Variants in LRRC8C observed in about 807,000 individuals in gnomAD.
LRRC8C encodes the protein leucine rich repeat containing 8 VRAC subunit C, also known as volume-regulated anion channel subunit LRRC8C.
LRRC8C carries 20 observed loss-of-function variants against 55.3 expected under a neutral mutation model. The observed-to-expected ratio is 0.36, with a 90% CI of 0.25 to 0.53. The LOEUF (loss-of-function observed/expected upper bound fraction) is 0.53. LRRC8C is among the 20% of genes least tolerant of loss of function. LRRC8C has a pLI of 0.92. For missense variants in LRRC8C, 659 were observed against 951.4 expected, an observed-to-expected ratio of 0.69 and a Z score of 4.04; for synonymous variants, 376 against 360.7, an observed-to-expected ratio of 1.04 and a Z score of -0.48.
intron 2 of LRRC8C, among the ~76,000 whole-genome samples, chr1:89,687,502 C>T (rs947328060): frequency 6.6e-6 from 1 of 152,096 alleles, no homozygotes; most frequent in Non-Finnish European, 1.5e-5. Context: ...AGAGCTGAAG[C>T]CATGCTTGCA....
At position 89,694,558 on chromosome 1, in the gene LRRC8C, A is replaced by G. The variant is rs112269328; in HGVS notation, c.138+7947A>G. On this transcript the variant is annotated intron_variant, in intron 2 of 2. Coordinates refer to ENST00000370454, the MANE Select transcript of LRRC8C (RefSeq NM_032270.5). ...CTCAGCTTCCTGAGTAGCTGGGATTACAGGTGCGTGACACCATGCCCAGCT... is the reference window on the plus strand; with the variant it reads ...CTCAGCTTCCTGAGTAGCTGGGATTGCAGGTGCGTGACACCATGCCCAGCT... Among the ~76,000 whole-genome samples the G allele has an allele frequency of 5.6e-3, 831 of 148,916 alleles. 11 individuals are homozygous for G. Among genetic ancestry groups the G allele is most frequent in the African/African-American group, 0.02 (788 of 40,336 alleles).
intron 2 of LRRC8C, among the ~76,000 whole-genome samples, chr1:89,687,438 A>G (rs996152757): frequency 6.6e-6 from 1 of 152,234 alleles, no homozygotes; most frequent in Non-Finnish European, 1.5e-5. Context: ...GAGAAAGAAC[A>G]TGACATCTTT....
intron 2 of LRRC8C, among the ~76,000 whole-genome samples, chr1:89,698,611 A>G (rs781295458): frequency 1.1e-4 from 17 of 152,178 alleles, no homozygotes; most frequent in Non-Finnish European, 1.9e-4. Flanking sequence ...GTATAAAAGT[A>G]CCATTATACT....
At chr1:89,682,164 G>A (rs1183149167) in intron 1 of LRRC8C, among the ~76,000 whole-genome samples, 1 of 152,152 alleles carries the variant, frequency 6.6e-6, no homozygotes, top group Non-Finnish European at 1.5e-5. Flanking sequence ...GCGACAGAGC[G>A]AGACTCTGTC....
intron 1 of LRRC8C, among the ~76,000 whole-genome samples, chr1:89,679,823 G>T (rs932575761): frequency 2.0e-5 from 3 of 152,156 alleles, no homozygotes; most frequent in Non-Finnish European, 4.4e-5. Context: ...GAAAAATGTG[G>T]AATAAAACAA....
At position 89,686,487 on chromosome 1, in the gene LRRC8C, C is replaced by T; in HGVS notation, c.14C>T (p.Thr5Ile). 6.2e-7 allele frequency: 1 copy of T among 1,614,148 alleles called. No homozygotes were observed. Among genetic ancestry groups the T allele is most frequent in the Non-Finnish European group, 8.5e-7 (1 of 1,180,006 alleles). ...TTTCTCAGAAACATGATTCCCGTGA[C>T]AGAATTCCGGCAGTTCTCTGAGCAG... Reference protein sequence around the residue: MIPVTEFRQFSEQQP... With the variant: MIPVIEFRQFSEQQP... The change falls in exon 2 of 3, where the codon ACA (threonine) becomes ATA (isoleucine). Residue 5 changes from threonine to isoleucine, a missense_variant. Coordinates refer to ENST00000370454, the MANE Select transcript of LRRC8C (RefSeq NM_032270.5).
In LRRC8C at chr1:89,712,585, C is replaced by T. The variant is rs770559974; in HGVS notation, c.139-124C>T. ...ATAAAATCTTGATGCTGGAATTGAACGTTGTATTCTCCAGGCAGAGGAAAT... is the reference window on the plus strand; with the variant it reads ...ATAAAATCTTGATGCTGGAATTGAATGTTGTATTCTCCAGGCAGAGGAAAT... On this transcript the variant is annotated intron_variant, in intron 2 of 2. Transcript: ENST00000370454. 6 of 659,958 alleles carry T rather than the reference C, an allele frequency of 9.1e-6. No homozygotes were observed. The East Asian group carries it at 1.4e-4, about 15-fold the overall frequency. The allele number at this position is 659,958 out of a possible 1,614,324, so 40.9% of individuals were successfully genotyped here. A position where few individuals can be genotyped will look rare whatever the true frequency, so the allele number is the denominator to read the frequency against.
At chr1:89,695,204 G>A (rs1045264671) in intron 2 of LRRC8C, among the ~76,000 whole-genome samples, 1 of 152,134 alleles carries the variant, frequency 6.6e-6, no homozygotes, top group Admixed American at 6.5e-5. Flanking sequence ...TTACAGGCAT[G>A]AACCACCGCG....
At chr1:89,669,582 A>G (rs1275863570) in intron 1 of LRRC8C, among the ~76,000 whole-genome samples, 3 of 152,114 alleles carry the variant, frequency 2.0e-5, no homozygotes, top group South Asian at 4.1e-4. Context: ...TGCCACTCTT[A>G]CATGCTTCCC....
chr1:89,688,968 G>A (rs1404558259), intron 2 of LRRC8C, among the ~76,000 whole-genome samples: 1 of 152,226 alleles, frequency 6.6e-6, no homozygotes, highest in Non-Finnish European at 1.5e-5. Context: ...GCCAGGGTAA[G>A]TTCTGAACCT....
chr1:89,714,071 G>A lies in LRRC8C; in HGVS notation c.1501G>A (p.Asp501Asn), dbSNP rs767815813. The change falls in exon 3 of 3, where the codon GAT becomes AAT. Residue 501 changes from aspartate to asparagine, a missense_variant. By Grantham distance (23) the Asp-to-Asn change is conservative. Around this residue, in one of 5 missense-constraint regions of LRRC8C, gnomAD observed 344 missense variants for 464.6 expected, o/e 0.74. Coordinates refer to ENST00000370454, the MANE Select transcript of LRRC8C (RefSeq NM_032270.5). This position sits in a 1 kb window ranked among gnomAD's most constrained non-coding sequence, Gnocchi z 4.6. ...ENLKVLSVKF[D>N]DMRELPPWMY... ...CCTCAAGGTCTTGAGCGTCAAGTTTGATGACATGAGGGAACTCCCCCCCTG... is the reference window on the plus strand; with the variant it reads ...CCTCAAGGTCTTGAGCGTCAAGTTTAATGACATGAGGGAACTCCCCCCCTG... The A allele has an allele frequency of 1.2e-6, 2 of 1,613,860 alleles. No individual in the cohort carries two copies. Among genetic ancestry groups the A allele is most frequent in the East Asian group, 2.2e-5 (1 of 44,896 alleles).
chr1:89,648,680 A>T (rs1656679723), intron 1 of LRRC8C, among the ~76,000 whole-genome samples: 1 of 152,144 alleles, frequency 6.6e-6, no homozygotes, highest in Non-Finnish European at 1.5e-5. Context: ...CTATCACCAT[A>T]ATCTAATTTT....
At chr1:89,627,013 A>G in the LRRC8C span, among the ~76,000 whole-genome samples, 2 of 148,242 alleles carry the variant, frequency 1.3e-5, no homozygotes, top group Non-Finnish European at 3.0e-5. Context: ...ACACACGTTT[A>G]AGTTTCCATA....
upstream of LRRC8C, among the ~76,000 whole-genome samples, chr1:89,628,465 C>T (rs1277971644): frequency 1.3e-5 from 2 of 152,172 alleles, no homozygotes; most frequent in African/African-American, 4.8e-5. Flanking sequence ...TCATAGCTCA[C>T]TGTAACCTGT....
rs566488222 is a variant in LRRC8C, at chr1:89,719,116, C to T, written c.*4134C>T. On this transcript the variant is annotated 3_prime_UTR_variant, in exon 3 of 3. Transcript: ENST00000370454. Reference sequence around the variant, plus strand: ...TCATTTTTGAAAGGTGGAGGAGGATCTCCCCCTGCCCAAAGGAATTTTTTT... The same window carrying T: ...TCATTTTTGAAAGGTGGAGGAGGATTTCCCCCTGCCCAAAGGAATTTTTTT... 6.6e-6 allele frequency: 1 copy of T among 152,282 alleles called. No homozygotes were observed. The highest frequency in any genetic ancestry group is 1.5e-5 in the Non-Finnish European group (1 of 68,022). The allele number at this position is 152,282 out of a possible 1,614,324, so 9.4% of individuals were successfully genotyped here.
At chr1:89,655,599 A>G (rs1017502457) in intron 1 of LRRC8C, among the ~76,000 whole-genome samples, 3 of 152,224 alleles carry the variant, frequency 2.0e-5, no homozygotes, top group African/African-American at 4.8e-5. Flanking sequence ...AGGTGCAGGC[A>G]TCTGGTGAGG....
chr1:89,682,861 C>T (rs1657759385), intron 1 of LRRC8C, among the ~76,000 whole-genome samples: 3 of 152,160 alleles, frequency 2.0e-5, no homozygotes, highest in African/African-American at 4.8e-5. Flanking sequence ...AGAGAAAGCT[C>T]TTGTGTAATG....
At position 89,714,905 on chromosome 1, in the gene LRRC8C, C is replaced by A; in HGVS notation, c.2335C>A (p.Arg779=). 1.9e-6 allele frequency: 3 copies of A among 1,613,928 alleles called. No homozygotes were observed. In the African/African-American group the frequency reaches 4.0e-5, roughly 22 times the overall value. ...ACTGGGTGACTGTCGGGCTCTGAAG[C>A]GAGCTGGTTTAGTTGTAGAAGATGC... ...PELGDCRALK[R]AGLVVEDALF... Residue 779 remains arginine (R), a synonymous_variant, in exon 3 of 3, where the codon CGA becomes AGA. Transcript: ENST00000370454. This position sits in a 1 kb window ranked among gnomAD's most constrained non-coding sequence, Gnocchi z 4.6.
chr1:89,663,717 T>C (rs149050342), intron 1 of LRRC8C, among the ~76,000 whole-genome samples: 1,581 of 152,292 alleles, frequency 0.01, 43 homozygotes, highest in African/African-American at 0.037. Flanking sequence ...TCTTCCACAA[T>C]GGTTGAACTA....
Sources: allele counts gnomAD v4.1 joint callset (sites outside exome capture counted in the v4.1 genomes callset), GRCh38; gene constraint gnomAD v4.1.1; regional missense constraint gnomAD v4.1.1; non-coding constraint Gnocchi (gnomAD v3.1); transcripts MANE v1.5; gene names NCBI Gene and HGNC (gene_info 2026-07-23, HGNC 2026-07-21).